The following GLDC variants were observed in gnomAD, a reference collection of about 807,000 sequenced individuals.
GLDC encodes the protein glycine decarboxylase.
GLDC carries 104 observed loss-of-function variants against 121.3 expected under a neutral mutation model. The ratio of observed to expected loss-of-function variants is 0.86; its 90% CI spans 0.73 to 1.01. The LOEUF (loss-of-function observed/expected upper bound fraction) is 1.01, where lower values mean the gene tolerates loss of function less well. Among genes scored for constraint, GLDC ranks in the 50% least tolerant of loss-of-function variants. GLDC has a pLI of 0.00. For missense variants in GLDC, 1,429 were observed against 1,306.6 expected, an observed-to-expected ratio of 1.09 and a Z score of -1.44; for synonymous variants, 546 against 480.6, an observed-to-expected ratio of 1.14 and a Z score of -1.78.
chr9:6,588,824 C>A (rs1282469728), intron 12 of GLDC, 122 bp from the exon 13 acceptor site: 9 of 732,580 alleles, frequency 1.2e-5, no homozygotes, highest in Non-Finnish European at 2.0e-5. Context: ...TGGCCACGGA[C>A]AATATGTCAA....
intron 8 of GLDC, 61 bp downstream of exon 8, chr9:6,602,048 T>A (rs1452595705): frequency 6.1e-6 from 6 of 984,574 alleles, no homozygotes; most frequent in Admixed American, 1.7e-5. Flanking sequence ...AATGAATGAA[T>A]GAGTAGCTCA....
chr9:6,627,511 G>T (rs1006462424), intron 2 of GLDC, among the ~76,000 whole-genome samples: 1 of 152,050 alleles, frequency 6.6e-6, no homozygotes, highest in Non-Finnish European at 1.5e-5. Flanking sequence ...TCCTGGATTG[G>T]TTCTCATGAT....
chr9:6,561,766 C>T (rs539285861), intron 16 of GLDC, among the ~76,000 whole-genome samples: 1 of 152,130 alleles, frequency 6.6e-6, no homozygotes, highest in Non-Finnish European at 1.5e-5. Context: ...TTAGGGGGTG[C>T]TATGTTTTCT....
In GLDC at chr9:6,644,688, A is replaced by G. The variant is rs561846684; in HGVS notation, c.260T>C (p.Ile87Thr). Residue 87 changes from isoleucine (I) to threonine (T), a missense_variant, in exon 2 of 25, where the codon ATT becomes ACT. By Grantham distance (89) the Ile-to-Thr change is moderately conservative (BLOSUM62 -1). Coordinates refer to ENST00000321612, the MANE Select transcript of GLDC (RefSeq NM_000170.3). ...EMLQTLGLAS[I>T]DELIEKTVPA... Reference sequence around the variant, plus strand: ...GACCGTCTTCTCGATCAATTCATCAATGCTCTAAAATTAAAACGCAAGGCA... The same window carrying G: ...GACCGTCTTCTCGATCAATTCATCAGTGCTCTAAAATTAAAACGCAAGGCA... 3 of 1,610,218 alleles carry G rather than the reference A, an allele frequency of 1.9e-6. No individual in the cohort carries two copies. The highest frequency in any genetic ancestry group is 2.2e-5 in the East Asian group (1 of 44,854).
At chr9:6,557,406 C>G (rs749229170) in intron 17 of GLDC, among the ~76,000 whole-genome samples, 1 of 151,988 alleles carries the variant, frequency 6.6e-6, no homozygotes, top group Non-Finnish European at 1.5e-5. Flanking sequence ...CTATCCTGGC[C>G]AATACGGGGA....
In GLDC at chr9:6,610,569, T is replaced by C. The variant is rs189751590; in HGVS notation, c.471-213A>G. On this transcript the variant is annotated intron_variant, in intron 3 of 24. Coordinates refer to ENST00000321612, the MANE Select transcript of GLDC (RefSeq NM_000170.3). Reference sequence around the variant, plus strand: ...TTTGTTTGGGGATAAGCAGTACTTATTTTTCTATCTCTCTGGTGTTGTTTT... The same window carrying C: ...TTTGTTTGGGGATAAGCAGTACTTACTTTTCTATCTCTCTGGTGTTGTTTT... Among the ~76,000 whole-genome samples, 7 of 152,316 alleles carry C rather than the reference T, an allele frequency of 4.6e-5. No individual in the cohort carries two copies. The East Asian group carries it at 1.4e-3, about 29-fold the overall frequency.
intron 8 of GLDC, among the ~76,000 whole-genome samples, chr9:6,595,860 C>A (rs890039354): frequency 3.6e-4 from 55 of 152,260 alleles, no homozygotes; most frequent in African/African-American, 1.1e-3. Flanking sequence ...AATACTGGGT[C>A]CATTTTGTTA....
chr9:6,633,383 G>C (rs1035847784), intron 2 of GLDC, among the ~76,000 whole-genome samples: 3 of 152,078 alleles, frequency 2.0e-5, no homozygotes, highest in Admixed American at 6.6e-5. Context: ...CACTAAATCT[G>C]CAACTCCATC....
intron 16 of GLDC, among the ~76,000 whole-genome samples, chr9:6,563,380 C>T (rs756840656): frequency 2.6e-5 from 4 of 152,232 alleles, no homozygotes; most frequent in South Asian, 2.1e-4. Flanking sequence ...CTGCTTTCTG[C>T]GGCCTCTCCG....
At chr9:6,533,596 T>C (rs377358416) in intron 24 of GLDC, among the ~76,000 whole-genome samples, 2,372 of 151,872 alleles carry the variant, frequency 0.016, 50 homozygotes, top group African/African-American at 0.052. Context: ...CAGTGGCTCG[T>C]GCCTTTAATC....
At chr9:6,623,632 G>A (rs1443341636) in intron 2 of GLDC, among the ~76,000 whole-genome samples, 1 of 152,092 alleles carries the variant, frequency 6.6e-6, no homozygotes, top group African/African-American at 2.4e-5. Context: ...AATAAAAAAA[G>A]AGAGAGATAT....
At chr9:6,629,958 T>TATATATATATATATGTA in intron 2 of GLDC, among the ~76,000 whole-genome samples, 3 of 78,642 alleles carry the variant, frequency 3.8e-5, no homozygotes, top group Non-Finnish European at 7.3e-5. Flanking sequence ...TATATATATA[T>TATATATATATATATGTA]TTTTTTTTTT....
At chr9:6,639,677 A>ATATATATATG in intron 2 of GLDC, 1 of 253,278 alleles carries the variant, frequency 3.9e-6, no homozygotes, top group Non-Finnish European at 7.0e-6. Flanking sequence ...AAGTATATAT[A>ATATATATATG]TATATATATA....
intron 15 of GLDC, chr9:6,584,936 A>G (rs2099695517): frequency 6.6e-6 from 1 of 152,244 alleles, no homozygotes; most frequent in African/African-American, 2.4e-5. Context: ...CAAAGAAAGA[A>G]CACCAGGTAT....
At chr9:6,562,567 A>T (rs560513518) in intron 16 of GLDC, among the ~76,000 whole-genome samples, 1 of 152,204 alleles carries the variant, frequency 6.6e-6, no homozygotes, top group African/African-American at 2.4e-5. Flanking sequence ...AATTAAAAAA[A>T]ATTTTTTTTT....
chr9:6,605,736 G>A (rs925223947), intron 5 of GLDC: 1 of 247,518 alleles, frequency 4.0e-6, no homozygotes, highest in Non-Finnish European at 8.0e-6. Context: ...ATGGTGGTAT[G>A]GGTAGGGGGA....
chr9:6,533,205 G>C (rs201262788), intron 24 of GLDC, 45 bp from the exon 25 acceptor site: 1 of 1,587,016 alleles, frequency 6.3e-7, no homozygotes, highest in African/African-American at 1.3e-5. Context: ...GTTCTGGGAG[G>C]TTTCTCTTAG....
chr9:6,625,391 C>A (rs1819214364), intron 2 of GLDC, among the ~76,000 whole-genome samples: 1 of 152,002 alleles, frequency 6.6e-6, no homozygotes, highest in Non-Finnish European at 1.5e-5. Context: ...TGGCTGCATG[C>A]CTGGAGAAAA....
intron 5 of GLDC, 42 bp from the exon 6 acceptor site, chr9:6,605,320 A>G: frequency 1.3e-6 from 2 of 1,599,562 alleles, no homozygotes; most frequent in East Asian, 2.2e-5. Context: ...CTTTCGGTTT[A>G]TAAGGGAAAA....
Sources: gnomAD v4.1 joint callset for allele counts (sites outside exome capture counted in the v4.1 genomes callset) on GRCh38, gnomAD v4.1.1 for gene constraint, MANE v1.5 for transcripts, NCBI Gene and HGNC (gene_info 2026-07-23, HGNC 2026-07-21) for gene names.